The following UNC5D variants were observed in gnomAD, a reference collection of about 807,000 sequenced individuals.
The protein encoded by UNC5D is unc-5 netrin receptor D, also known as netrin receptor UNC5D.
In UNC5D, 39 loss-of-function variants were observed where a neutral mutation model predicts 105.4. The observed-to-expected ratio is 0.37, with a 90% CI of 0.29 to 0.48. UNC5D has a LOEUF of 0.48. UNC5D is among the 20% of genes least tolerant of loss of function. UNC5D has a pLI of 0.98. For missense variants in UNC5D, 991 were observed against 1,202.4 expected, an observed-to-expected ratio of 0.82 and a Z score of 2.60; for synonymous variants, 452 against 450.4, an observed-to-expected ratio of 1.00 and a Z score of -0.04.
chr8:35,770,247 G>A, intron 15 of UNC5D, among the ~76,000 whole-genome samples: 1 of 152,176 alleles, frequency 6.6e-6, no homozygotes, highest in South Asian at 2.1e-4. Context: ...GATTTAAGAT[G>A]TATAAAATAC....
chr8:35,591,177 C>G (rs1819148780), intron 3 of UNC5D, among the ~76,000 whole-genome samples: 1 of 151,884 alleles, frequency 6.6e-6, no homozygotes, highest in Admixed American at 6.6e-5. Flanking sequence ...CCTATCATGT[C>G]TGACACTACA....
chr8:35,472,200 T>G (rs1809784482), intron 1 of UNC5D, among the ~76,000 whole-genome samples: 1 of 152,118 alleles, frequency 6.6e-6, no homozygotes, highest in Non-Finnish European at 1.5e-5. Context: ...TTCCCATAGG[T>G]AGGAAAACTG....
intron 2 of UNC5D, among the ~76,000 whole-genome samples, chr8:35,564,942 G>C (rs1043830580): frequency 6.6e-6 from 1 of 152,066 alleles, no homozygotes; most frequent in Non-Finnish European, 1.5e-5. Flanking sequence ...GTTTTTTTGT[G>C]GCTGAGTGGC....
chr8:35,525,720 A>G, intron 1 of UNC5D: 2 of 1,590,232 alleles, frequency 1.3e-6, no homozygotes, highest in South Asian at 2.3e-5. Context: ...CCGGCACGAC[A>G]CCTGGCTCCC....
chr8:35,443,881 G>T (rs925244931), intron 1 of UNC5D, among the ~76,000 whole-genome samples: 1 of 151,790 alleles, frequency 6.6e-6, no homozygotes, highest in African/African-American at 2.4e-5. Flanking sequence ...ATCAGAAATT[G>T]TATGCTATTT....
chr8:35,400,727 A>G (rs2128949521), intron 1 of UNC5D, among the ~76,000 whole-genome samples: 1 of 152,272 alleles, frequency 6.6e-6, no homozygotes, highest in South Asian at 2.1e-4. Context: ...TCCTGTCCTC[A>G]TCTCCCACCA....
At chr8:35,512,574 A>G (rs1162504713) in intron 1 of UNC5D, among the ~76,000 whole-genome samples, 1 of 51,234 alleles carries the variant, frequency 2.0e-5, no homozygotes, top group Non-Finnish European at 3.3e-5. Context: ...TATATATCTG[A>G]ATAGATTACT....
Position 35,786,676 on chromosome 8 carries a change from T to A in UNC5D, c.2658-3683T>A, listed in dbSNP as rs545533864. Among the ~76,000 whole-genome samples the A allele has an allele frequency of 2.6e-5, 4 of 152,202 alleles. No individual in the cohort carries two copies. In the South Asian group the frequency reaches 8.3e-4, roughly 32 times the overall value. On this transcript the variant is annotated intron_variant, in intron 16 of 16. Coordinates refer to ENST00000404895, the MANE Select transcript of UNC5D (RefSeq NM_080872.4). ...TTTACCTAGGATAAAGTTCTCAGAG[T>A]GCCTGAGGCAGGACATAGAGCTAGA...
At chr8:35,781,195 C>T (rs912417373) in intron 16 of UNC5D, among the ~76,000 whole-genome samples, 6 of 152,060 alleles carry the variant, frequency 3.9e-5, no homozygotes, top group African/African-American at 1.4e-4. Context: ...GAGGTTTGGG[C>T]TTCATTTTGT....
intron 1 of UNC5D, among the ~76,000 whole-genome samples, chr8:35,375,374 G>A (rs1377904767): frequency 1.3e-5 from 2 of 152,138 alleles, no homozygotes; most frequent in Non-Finnish European, 2.9e-5. Context: ...AGGTGCTGGG[G>A]AAGGAGAGAG....
chr8:35,714,885 C>T (rs1828167635), intron 8 of UNC5D, among the ~76,000 whole-genome samples: 1 of 151,988 alleles, frequency 6.6e-6, no homozygotes. Flanking sequence ...GGCGCAGTGG[C>T]TCACGCCTGT....
At chr8:35,574,700 A>G (rs1431026441) in intron 3 of UNC5D, among the ~76,000 whole-genome samples, 1 of 152,178 alleles carries the variant, frequency 6.6e-6, no homozygotes, top group African/African-American at 2.4e-5. Context: ...GAATATGTAA[A>G]TAAATACATC....
intron 12 of UNC5D, 94 bp downstream of exon 12, chr8:35,748,789 T>G: frequency 7.0e-7 from 1 of 1,425,240 alleles, no homozygotes; most frequent in Non-Finnish European, 9.4e-7. Flanking sequence ...AAATCAGCAT[T>G]TCGTTGTTGG....
chr8:35,607,653 G>A (rs190668113), intron 4 of UNC5D, among the ~76,000 whole-genome samples: 10 of 152,090 alleles, frequency 6.6e-5, no homozygotes, highest in Non-Finnish European at 8.8e-5. Flanking sequence ...GAGTTCTCAC[G>A]ATATTTAATA....
At chr8:35,691,100 G>C (rs1041000115) in intron 7 of UNC5D, among the ~76,000 whole-genome samples, 5 of 152,090 alleles carry the variant, frequency 3.3e-5, no homozygotes, top group African/African-American at 1.2e-4. Flanking sequence ...TTTAATATTT[G>C]GGTGTTATTG....
rs1802903515 is a variant in UNC5D at position 35,789,169 on chromosome 8, A to ATATATATATG, written c.2658-1181_2658-1180insGTATATATAT. On this transcript the variant is annotated intron_variant, in intron 16 of 16. Transcript: ENST00000404895. ...TATATATATATATATATATATATATATATATATATATATATATATGAGATA... is the reference window on the plus strand; with the variant it reads ...TATATATATATATATATATATATATATATATATATGTATATATATATATATATATGAGATA... Among the ~76,000 whole-genome samples, 6 of 96,096 alleles carry ATATATATATG rather than the reference A, an allele frequency of 6.2e-5. No individual in the cohort carries two copies. The East Asian group carries it at 1.9e-3, about 30-fold the overall frequency. The allele number at this position is 96,096 out of a possible 152,430, so 63.0% of individuals were successfully genotyped here.
At chr8:35,655,564 A>G (rs1408401362) in intron 4 of UNC5D, among the ~76,000 whole-genome samples, 1 of 152,258 alleles carries the variant, frequency 6.6e-6, no homozygotes, top group African/African-American at 2.4e-5. Flanking sequence ...TAGATATCAG[A>G]GATTCCCAAA....
intron 16 of UNC5D, among the ~76,000 whole-genome samples, chr8:35,780,595 G>T (rs1419317820): frequency 6.6e-6 from 1 of 152,192 alleles, no homozygotes; most frequent in East Asian, 1.9e-4. Context: ...AAAAAAAGAG[G>T]GAAGATGATG....
chr8:35,581,637 A>G (rs1818473805), intron 3 of UNC5D, among the ~76,000 whole-genome samples: 1 of 152,174 alleles, frequency 6.6e-6, no homozygotes, highest in Non-Finnish European at 1.5e-5. Context: ...GAAATAATAA[A>G]TGCTTGAGAT....
Sources: gnomAD v4.1 joint callset for allele counts (sites outside exome capture counted in the v4.1 genomes callset) on GRCh38, gnomAD v4.1.1 for gene constraint, MANE v1.5 for transcripts, NCBI Gene and HGNC (gene_info 2026-07-23, HGNC 2026-07-21) for gene names.